Variants in MAGI2 observed in about 807,000 individuals in gnomAD.
MAGI2 encodes the protein membrane-associated guanylate kinase, WW and PDZ domain-containing protein 2.
MAGI2 carries 35 observed loss-of-function variants against 133.3 expected under a neutral mutation model. The ratio of observed to expected loss-of-function variants is 0.26; its 90% CI spans 0.20 to 0.35. MAGI2 has a LOEUF of 0.35. MAGI2 is among the 10% of genes least tolerant of loss of function. The pLI is 1.00. For missense variants in MAGI2, 1,636 were observed against 1,863.4 expected, an observed-to-expected ratio of 0.88 and a Z score of 2.25; for synonymous variants, 729 against 710.6, an observed-to-expected ratio of 1.03 and a Z score of -0.41.
At chr7:79,214,405 CTCTA>C (rs1263297069) in intron 1 of MAGI2, among the ~76,000 whole-genome samples, 111 of 30,474 alleles carry the variant, frequency 3.6e-3, no homozygotes, top group East Asian at 6.0e-3. Flanking sequence ...CTCTCTCTCT[CTCTA>C]TATATATATA....
chr7:78,978,187 G>C lies in MAGI2; in HGVS notation c.418+28903C>G, dbSNP rs958358658. Among the ~76,000 whole-genome samples the C allele has an allele frequency of 2.6e-5, 4 of 151,828 alleles. No homozygotes were observed. The East Asian group carries it at 7.8e-4, about 30-fold the overall frequency. The stretch of plus-strand genomic sequence containing the variant: ...TTCTAGGCATTTACCCAATTGACTC[G>C]AAAACTTATGTTAACACAAAAATTT... On this transcript the variant is annotated intron_variant, in intron 2 of 21. Coordinates refer to ENST00000354212, the MANE Select transcript of MAGI2 (RefSeq NM_012301.4).
At chr7:79,441,688 C>G (rs935909119) in intron 1 of MAGI2, among the ~76,000 whole-genome samples, 2 of 151,724 alleles carry the variant, frequency 1.3e-5, no homozygotes, top group African/African-American at 4.8e-5. Flanking sequence ...ATACTATATT[C>G]TTCACTTTAT....
chr7:78,268,288 A>G (rs1584637980), intron 9 of MAGI2, among the ~76,000 whole-genome samples: 1 of 152,144 alleles, frequency 6.6e-6, no homozygotes, highest in East Asian at 1.9e-4. Context: ...AAAATTTTGG[A>G]TATTTTAAAT....
chr7:78,823,222 C>T (rs1790279710), intron 2 of MAGI2, among the ~76,000 whole-genome samples: 2 of 152,110 alleles, frequency 1.3e-5, no homozygotes, highest in South Asian at 4.2e-4. Context: ...AACTGGTGTC[C>T]CATGTGAAGG....
At chr7:79,265,177 C>T (rs1834355030) in intron 1 of MAGI2, among the ~76,000 whole-genome samples, 1 of 152,142 alleles carries the variant, frequency 6.6e-6, no homozygotes, top group African/African-American at 2.4e-5. Flanking sequence ...AGATCAGCAG[C>T]ACCATCATCA....
chr7:78,501,518 A>C, intron 5 of MAGI2, 59 bp downstream of exon 5: 1 of 1,404,718 alleles, frequency 7.1e-7, no homozygotes, highest in Non-Finnish European at 9.9e-7. Flanking sequence ...AACTTGCTAC[A>C]TCATTTATAT....
rs184355625 is a variant in MAGI2 at position 78,711,911 on chromosome 7, C to G, written c.419-84672G>C. Among the ~76,000 whole-genome samples, 76 of 152,246 alleles carry G rather than the reference C, an allele frequency of 5.0e-4. 1 individual carries two copies. The East Asian group carries it at 9.1e-3, about 18-fold the overall frequency. The stretch of plus-strand genomic sequence containing the variant: ...TTTGACTTTGAAATGTATTTTTGAA[C>G]TTGCATTTGAATAGAAATATGGCAC... On this transcript the variant is annotated intron_variant, in intron 2 of 21. Transcript: ENST00000354212.
At chr7:78,383,385 A>G (rs1190806627) in intron 6 of MAGI2, among the ~76,000 whole-genome samples, 2 of 151,922 alleles carry the variant, frequency 1.3e-5, no homozygotes, top group South Asian at 2.1e-4. Flanking sequence ...TATTTTTTAC[A>G]TATCTGTTAG....
chr7:78,561,181 T>A (rs554924385), intron 3 of MAGI2, among the ~76,000 whole-genome samples: 9 of 152,056 alleles, frequency 5.9e-5, no homozygotes, highest in Non-Finnish European at 1.3e-4. Context: ...GATACTGAGA[T>A]CAAGAGCTGG....
intron 1 of MAGI2, among the ~76,000 whole-genome samples, chr7:79,079,849 T>C (rs2129541791): frequency 6.6e-6 from 1 of 152,218 alleles, no homozygotes; most frequent in Middle Eastern, 3.4e-3. Context: ...AAAAAAATGG[T>C]GCAATCCTCT....
intron 8 of MAGI2, among the ~76,000 whole-genome samples, chr7:78,344,747 C>G (rs1272124253): frequency 6.6e-6 from 1 of 152,130 alleles, no homozygotes; most frequent in African/African-American, 2.4e-5. Context: ...TTGATAGATT[C>G]AAATCATATG....
At chr7:78,644,041 GA>G (rs1169655454) in intron 2 of MAGI2, among the ~76,000 whole-genome samples, 1 of 151,880 alleles carries the variant, frequency 6.6e-6, no homozygotes, top group East Asian at 1.9e-4. Context: ...AATAATATCA[GA>G]AAAAGTAGAT....
chr7:78,413,002 A>G (rs925266831), intron 6 of MAGI2, among the ~76,000 whole-genome samples: 3 of 152,092 alleles, frequency 2.0e-5, no homozygotes, highest in African/African-American at 7.2e-5. Flanking sequence ...GAACCTTTTA[A>G]TATTTCAATA....
chr7:78,234,539 T>A (rs1790303799), intron 10 of MAGI2, among the ~76,000 whole-genome samples: 1 of 151,302 alleles, frequency 6.6e-6, no homozygotes. Context: ...TCGTTAGAAT[T>A]TATATTCATT....
rs1824838742 is a variant in MAGI2 at position 78,160,224 on chromosome 7, G to T, written c.2646C>A (p.His882Gln). Residue 882 changes from histidine to glutamine, a missense_variant, in exon 16 of 22, where the codon CAC (histidine) becomes CAA (glutamine). Physicochemically the swap from His to Gln is conservative, Grantham distance 24. Transcript: ENST00000354212. ...NGRSPGSVST[H>Q]HSSPRSDYAT... ...CGTAGTCACTGCGTGGAGAGCTGTG[G>T]TGGGTGGATACAGAGCCTGGACTTC... 1.2e-6 allele frequency: 2 copies of T among 1,611,086 alleles called. No individual in the cohort carries two copies. The highest frequency in any genetic ancestry group is 2.2e-5 in the South Asian group (2 of 90,092).
At chr7:78,251,263 T>C (rs924546520) in intron 10 of MAGI2, among the ~76,000 whole-genome samples, 1 of 152,144 alleles carries the variant, frequency 6.6e-6, no homozygotes, top group African/African-American at 2.4e-5. Flanking sequence ...AAAAATCCTG[T>C]CCTAAAATCA....
At chr7:79,075,789 C>G (rs1815411784) in intron 1 of MAGI2, among the ~76,000 whole-genome samples, 2 of 151,942 alleles carry the variant, frequency 1.3e-5, no homozygotes, top group South Asian at 2.1e-4. Context: ...AATCTTGCCT[C>G]TAAACATTCT....
chr7:79,211,712 T>TAAC (rs992579469), intron 1 of MAGI2, among the ~76,000 whole-genome samples: 4 of 151,960 alleles, frequency 2.6e-5, no homozygotes, highest in African/African-American at 9.7e-5. Context: ...TGCTTTAAAA[T>TAAC]AACAACAACA....
At chr7:78,214,036 A>G (rs1788028350) in intron 10 of MAGI2, among the ~76,000 whole-genome samples, 1 of 152,194 alleles carries the variant, frequency 6.6e-6, no homozygotes, top group African/African-American at 2.4e-5. Flanking sequence ...CTACTGCTCC[A>G]TAATTGGAGA....
Sources: gnomAD v4.1 joint callset for allele counts (sites outside exome capture counted in the v4.1 genomes callset) on GRCh38, gnomAD v4.1.1 for gene constraint, MANE v1.5 for transcripts, NCBI Gene and HGNC (gene_info 2026-07-23, HGNC 2026-07-21) for gene names.